Variants in CNTN5 observed in about 807,000 individuals in gnomAD.
CNTN5 encodes the protein contactin 5, also known as contactin-5.
In CNTN5, 77 loss-of-function variants were observed where a neutral mutation model predicts 129.1. The ratio of observed to expected loss-of-function variants is 0.60; its 90% CI spans 0.50 to 0.72. CNTN5 has a LOEUF of 0.72. Ranked by LOEUF, CNTN5 falls within the 30% of genes least tolerant of loss-of-function variation. CNTN5 has a pLI of 0.00. For synonymous variants in CNTN5, 509 were observed against 465.6 expected, an observed-to-expected ratio of 1.09 and a Z score of -1.20; for missense variants, 1,478 against 1,328.8, an observed-to-expected ratio of 1.11 and a Z score of -1.75.
At chr11:99,218,135 T>TATC (rs1860222508) in intron 1 of CNTN5, among the ~76,000 whole-genome samples, 3 of 152,168 alleles carry the variant, frequency 2.0e-5, no homozygotes, top group African/African-American at 7.2e-5. Flanking sequence ...AATGGTGGAT[T>TATC]ATCTGTTCTC....
intron 1 of CNTN5, among the ~76,000 whole-genome samples, chr11:99,078,118 CA>C (rs879789472): frequency 2.0e-5 from 3 of 151,996 alleles, no homozygotes; most frequent in African/African-American, 2.4e-5. Context: ...AAAATGAACA[CA>C]AAAATTGATA....
At chr11:100,137,737 G>A (rs982558382) in intron 13 of CNTN5, among the ~76,000 whole-genome samples, 3 of 151,924 alleles carry the variant, frequency 2.0e-5, no homozygotes, top group Admixed American at 6.6e-5. Flanking sequence ...TTATCAGGCC[G>A]GTATGGAAAA....
chr11:99,851,084 C>A lies in CNTN5; in HGVS notation c.577+5822C>A, dbSNP rs188499519. On this transcript the variant is annotated intron_variant, in intron 6 of 24. Transcript: ENST00000524871. ...CAGCTGCTCTGTAGTGGTTCATCCA[C>A]CCCCAACCTGCCTCATGGGCTTAAA... Among the ~76,000 whole-genome samples, 975 of 151,968 alleles carry A rather than the reference C, an allele frequency of 6.4e-3. 7 individuals carry two copies. Among genetic ancestry groups the A allele is most frequent in the Non-Finnish European group, 9.0e-3 (609 of 67,970 alleles).
At chr11:100,349,918 C>A (rs938479599) in intron 23 of CNTN5, among the ~76,000 whole-genome samples, 10 of 151,708 alleles carry the variant, frequency 6.6e-5, no homozygotes, top group African/African-American at 1.9e-4. Context: ...AGTCACCTAA[C>A]CTTTATGGCC....
intron 1 of CNTN5, among the ~76,000 whole-genome samples, chr11:99,309,530 T>C (rs1268173746): frequency 6.6e-6 from 1 of 152,214 alleles, no homozygotes; most frequent in Non-Finnish European, 1.5e-5. Context: ...CCATAGTCTT[T>C]CTCTGTGCTT....
intron 8 of CNTN5, among the ~76,000 whole-genome samples, chr11:99,994,585 G>A (rs1262512588): frequency 6.6e-6 from 1 of 152,086 alleles, no homozygotes; most frequent in East Asian, 1.9e-4. Context: ...CATATAAGAG[G>A]CTTAGGTTTA....
chr11:99,663,012 G>GTT (rs1343645136), intron 3 of CNTN5, among the ~76,000 whole-genome samples: 1 of 152,146 alleles, frequency 6.6e-6, no homozygotes, highest in Non-Finnish European at 1.5e-5. Context: ...CACCAGCTAA[G>GTT]TTGTATTATG....
intron 13 of CNTN5, among the ~76,000 whole-genome samples, chr11:100,096,145 T>C (rs1304737947): frequency 2.6e-5 from 4 of 151,956 alleles, no homozygotes; most frequent in Non-Finnish European, 5.9e-5. Flanking sequence ...CTAGTAATTT[T>C]TGAACAAGAA....
intron 16 of CNTN5, among the ~76,000 whole-genome samples, chr11:100,227,314 C>A (rs1224963770): frequency 1.3e-5 from 2 of 152,128 alleles, no homozygotes; most frequent in Admixed American, 1.3e-4. Flanking sequence ...TCCTGCAATT[C>A]TTCAACCTTG....
At chr11:99,310,291 T>G (rs183851830) in intron 1 of CNTN5, among the ~76,000 whole-genome samples, 1 of 152,196 alleles carries the variant, frequency 6.6e-6, no homozygotes, top group African/African-American at 2.4e-5. Context: ...TAGTGAAAAT[T>G]TTTCAACTTC....
chr11:99,748,645 G>A (rs1944136136), intron 3 of CNTN5, among the ~76,000 whole-genome samples: 1 of 152,136 alleles, frequency 6.6e-6, no homozygotes, highest in African/African-American at 2.4e-5. Flanking sequence ...GGGGTGGAGT[G>A]CTCACTTTGG....
chr11:100,108,431 A>G (rs1945530892), intron 13 of CNTN5, among the ~76,000 whole-genome samples: 1 of 152,194 alleles, frequency 6.6e-6, no homozygotes, highest in Non-Finnish European at 1.5e-5. Flanking sequence ...GGGGAAGGAA[A>G]AGAAAGGGTC....
At chr11:99,025,300 G>A (rs1378815771) in intron 1 of CNTN5, among the ~76,000 whole-genome samples, 1 of 151,824 alleles carries the variant, frequency 6.6e-6, no homozygotes, top group African/African-American at 2.4e-5. Flanking sequence ...TGACTAAACT[G>A]AACAGAATCC....
chr11:99,951,905 A>C (rs1188791224), intron 7 of CNTN5, among the ~76,000 whole-genome samples: 6 of 152,178 alleles, frequency 3.9e-5, no homozygotes, highest in Non-Finnish European at 8.8e-5. Flanking sequence ...GTTTGTATAA[A>C]TAGATTATAG....
intron 13 of CNTN5, among the ~76,000 whole-genome samples, chr11:100,083,163 A>G (rs916922660): frequency 1.3e-5 from 2 of 151,940 alleles, no homozygotes; most frequent in Non-Finnish European, 2.9e-5. Context: ...TAAAAATACA[A>G]AAAATTAGCT....
intron 6 of CNTN5, among the ~76,000 whole-genome samples, chr11:99,858,817 A>G (rs2135756380): frequency 6.6e-6 from 1 of 152,168 alleles, no homozygotes; most frequent in South Asian, 2.1e-4. Flanking sequence ...AAAATGTCAG[A>G]CATTTAGATT....
At chr11:99,362,350 G>A (rs895861962) in intron 2 of CNTN5, among the ~76,000 whole-genome samples, 4 of 151,748 alleles carry the variant, frequency 2.6e-5, no homozygotes, top group African/African-American at 9.7e-5. Context: ...TTATTGTTGA[G>A]TTATAGGTTC....
In CNTN5 at chr11:99,358,380, G is replaced by A. The variant is rs1347801099; in HGVS notation, c.-71+32896G>A. Among the ~76,000 whole-genome samples, 8 of 125,834 alleles carry A rather than the reference G, an allele frequency of 6.4e-5. No homozygotes were observed. In the East Asian group the frequency reaches 1.0e-3, roughly 16 times the overall value. 82.6% of individuals were successfully genotyped at this position (125,834 alleles called of 152,430 possible). A position where few individuals can be genotyped will look rare whatever the true frequency, so the allele number is the denominator to read the frequency against. ...AAGTGCTGGGATAGCAGCCGGGCGC[G>A]GTGGCCGAAACCCTGTCTCTACTAC... is the stretch of plus-strand genomic sequence containing the variant. On this transcript the variant is annotated intron_variant, in intron 2 of 24. Coordinates refer to ENST00000524871, the MANE Select transcript of CNTN5 (RefSeq NM_014361.4).
chr11:99,884,353 G>A (rs940695142), intron 6 of CNTN5, among the ~76,000 whole-genome samples: 31 of 152,014 alleles, frequency 2.0e-4, no homozygotes, highest in African/African-American at 7.5e-4. Flanking sequence ...GAAGAAAATA[G>A]TAATTTAATA....
Sources: gnomAD v4.1 joint callset for allele counts (sites outside exome capture counted in the v4.1 genomes callset) on GRCh38, gnomAD v4.1.1 for gene constraint, MANE v1.5 for transcripts, NCBI Gene and HGNC (gene_info 2026-07-23, HGNC 2026-07-21) for gene names.